The following HEMK2 variants were observed in gnomAD, a reference collection of about 807,000 sequenced individuals.
HEMK2 encodes HemK methyltransferase 2, ETF1 glutamine and histone H4 lysine, also known as methyltransferase HEMK2.
At chr21:28,856,807 G>A in the HEMK2 span, among the ~76,000 whole-genome samples, 4 of 152,326 alleles carry the variant, frequency 2.6e-5, no homozygotes, top group South Asian at 2.1e-4. Context: ...AGATCCCCTC[G>A]TGGGCCCATG....
At chr21:28,867,285 G>T in the HEMK2 span, among the ~76,000 whole-genome samples, 1 of 152,126 alleles carries the variant, frequency 6.6e-6, no homozygotes, top group Admixed American at 6.5e-5. Context: ...GGAATATATT[G>T]GTGAAAATGA....
the HEMK2 span, among the ~76,000 whole-genome samples, chr21:28,698,325 G>A: frequency 6.6e-6 from 1 of 152,062 alleles, no homozygotes; most frequent in East Asian, 1.9e-4. Context: ...ATAAACTGGA[G>A]AGCAGATATA....
At chr21:28,635,688 A>G in the HEMK2 span, among the ~76,000 whole-genome samples, 1 of 152,134 alleles carries the variant, frequency 6.6e-6, no homozygotes, top group Non-Finnish European at 1.5e-5. Flanking sequence ...TATATCACCT[A>G]GCCCTATTTT....
the HEMK2 span, among the ~76,000 whole-genome samples, chr21:28,712,769 T>C: frequency 1.3e-5 from 2 of 152,210 alleles, no homozygotes; most frequent in Non-Finnish European, 2.9e-5. Context: ...TACAATTGTT[T>C]AGAAACCTAA....
At chr21:28,628,834 G>C in the HEMK2 span, among the ~76,000 whole-genome samples, 2 of 152,202 alleles carry the variant, frequency 1.3e-5, no homozygotes, top group Admixed American at 6.5e-5. Flanking sequence ...AGAATCACAA[G>C]AAGCTTTTAG....
At chr21:28,683,571 T>C in the HEMK2 span, among the ~76,000 whole-genome samples, 1 of 152,222 alleles carries the variant, frequency 6.6e-6, no homozygotes, top group African/African-American at 2.4e-5. Flanking sequence ...CATTTTTACA[T>C]ACACGCACAA....
the HEMK2 span, among the ~76,000 whole-genome samples, chr21:28,774,835 G>C: frequency 3.3e-5 from 5 of 152,212 alleles, no homozygotes; most frequent in South Asian, 8.3e-4. Context: ...GCAATTAAAA[G>C]ATGAGCATCT....
chr21:28,778,953 G>A, the HEMK2 span, among the ~76,000 whole-genome samples: 220 of 152,136 alleles, frequency 1.4e-3, 1 homozygote, highest in South Asian at 0.012. Flanking sequence ...CAACTTAATC[G>A]ATTTTTCCTC....
At chr21:28,885,129 T>C in the HEMK2 span, 150 of 1,443,742 alleles carry the variant, frequency 1.0e-4, no homozygotes, top group African/African-American at 1.9e-3. Context: ...AGGGCGGTGA[T>C]AGTCACCGTT....
chr21:28,867,005 T>A, the HEMK2 span, among the ~76,000 whole-genome samples: 26 of 152,006 alleles, frequency 1.7e-4, 1 homozygote, highest in East Asian at 4.8e-3. Flanking sequence ...ATCTAAGAAG[T>A]CTAACAGTCC....
chr21:28,680,595 C>T, the HEMK2 span, among the ~76,000 whole-genome samples: 1 of 152,036 alleles, frequency 6.6e-6, no homozygotes, highest in African/African-American at 2.4e-5. Flanking sequence ...AGAGACACAA[C>T]CAAAAAAGAG....
the HEMK2 span, among the ~76,000 whole-genome samples, chr21:28,776,378 G>C: frequency 1.6e-3 from 243 of 152,274 alleles, no homozygotes; most frequent in Non-Finnish European, 2.0e-3. Flanking sequence ...CCAGAATGAG[G>C]TGCAATTCAA....
At chr21:28,591,062 C>T in the HEMK2 span, among the ~76,000 whole-genome samples, 1 of 152,198 alleles carries the variant, frequency 6.6e-6, no homozygotes, top group South Asian at 2.1e-4. Context: ...TGGATAATGA[C>T]TAAATGGCAA....
chr21:28,783,437 G>A, the HEMK2 span, among the ~76,000 whole-genome samples: 6 of 152,072 alleles, frequency 3.9e-5, no homozygotes, highest in Non-Finnish European at 5.9e-5. Context: ...TGCCCACCTC[G>A]GCCTCCCAAA....
At chr21:28,819,391 T>A in the HEMK2 span, among the ~76,000 whole-genome samples, 1 of 152,068 alleles carries the variant, frequency 6.6e-6, no homozygotes, top group Non-Finnish European at 1.5e-5. Flanking sequence ...AACTTTTTTT[T>A]ATTTAAGCAT....
chr21:28,618,942 A>G, the HEMK2 span, among the ~76,000 whole-genome samples: 1 of 152,190 alleles, frequency 6.6e-6, no homozygotes, highest in Non-Finnish European at 1.5e-5. Context: ...AACCCCTGGT[A>G]CCTCACCGTA....
At chr21:28,590,352 A>C in the HEMK2 span, among the ~76,000 whole-genome samples, 4 of 152,222 alleles carry the variant, frequency 2.6e-5, no homozygotes, top group East Asian at 7.7e-4. Context: ...ACACAAACTG[A>C]AGAAACAGAA....
chr21:28,782,272 A>G, the HEMK2 span, among the ~76,000 whole-genome samples: 1 of 152,210 alleles, frequency 6.6e-6, no homozygotes, highest in Non-Finnish European at 1.5e-5. Context: ...GGTTCACCTA[A>G]TACTATAATA....
chr21:28,618,887 G>A, the HEMK2 span, among the ~76,000 whole-genome samples: 21 of 152,080 alleles, frequency 1.4e-4, no homozygotes, highest in African/African-American at 2.2e-4. Context: ...TACATTGGTC[G>A]TTATGAACTG....
Sources: allele counts gnomAD v4.1 joint callset (sites outside exome capture counted in the v4.1 genomes callset), GRCh38; gene constraint gnomAD v4.1.1; transcripts MANE v1.5; gene names NCBI Gene and HGNC (gene_info 2026-07-23, HGNC 2026-07-21).